Variants in CASZ1 observed in about 807,000 individuals in gnomAD.
CASZ1 encodes zinc finger protein castor homolog 1.
CASZ1 carries 28 observed loss-of-function variants against 135.2 expected under a neutral mutation model. The observed-to-expected ratio is 0.21, with a 90% CI of 0.15 to 0.28. The LOEUF (loss-of-function observed/expected upper bound fraction) is 0.28. Among genes scored for constraint, CASZ1 ranks in the 10% least tolerant of loss-of-function variants. The probability of loss-of-function intolerance (pLI) is 1.00; values close to 1 mark genes in which losing one functional copy is unlikely to be tolerated. For missense variants in CASZ1, 2,161 were observed against 2,453.3 expected, an observed-to-expected ratio of 0.88 and a Z score of 2.52; for synonymous variants, 1,068 against 1,073.4, an observed-to-expected ratio of 0.99 and a Z score of 0.10.
intron 2 of CASZ1, among the ~76,000 whole-genome samples, chr1:10,729,561 G>A (rs1639665516): frequency 1.3e-5 from 2 of 152,238 alleles, no homozygotes; most frequent in South Asian, 2.1e-4. Context: ...GCCCTGGGGG[G>A]CTTAGGGGAG....
chr1:10,709,557 T>C lies in CASZ1; in HGVS notation c.-76-4013A>G, dbSNP rs1349969283. Among the ~76,000 whole-genome samples, 1 of 151,916 alleles carries C rather than the reference T, an allele frequency of 6.6e-6. No homozygotes were observed. Among genetic ancestry groups the C allele is most frequent in the Non-Finnish European group, 1.5e-5 (1 of 67,974 alleles). ...ACCTATTTTCTGCCTCAAATTTGAT[T>C]GATTAAAAAACTTTTTAGGAAAAGC... On this transcript the variant is annotated intron_variant, in intron 2 of 20. Transcript: ENST00000377022. This position sits in a 1 kb window ranked among gnomAD's most constrained non-coding sequence, Gnocchi z 5.1.
Position 10,646,154 on chromosome 1 carries a change from A to C in CASZ1, c.3670T>G (p.Ser1224Ala). 1 of 1,613,990 alleles carries C rather than the reference A, an allele frequency of 6.2e-7. No homozygotes were observed. Among genetic ancestry groups the C allele is most frequent in the East Asian group, 2.2e-5 (1 of 44,872 alleles). ...VNVRDQFAYY[S>A]LQCLCPNQHC... Reference sequence around the variant, plus strand: ...TGGTTGGGACAGAGACACTGCAGAGAGTAGTATGCAAACTGGTCTCGCACG... The same window carrying C: ...TGGTTGGGACAGAGACACTGCAGAGCGTAGTATGCAAACTGGTCTCGCACG... The change falls in exon 17 of 21, where the codon TCT (serine) becomes GCT (alanine). Residue 1224 changes from serine to alanine, a missense_variant. Transcript: ENST00000377022. The surrounding 1 kb of genome is among the most constrained non-coding windows in gnomAD (Gnocchi z 6.4).
chr1:10,662,930 C>T lies in CASZ1; in HGVS notation c.505+2153G>A, dbSNP rs116498935. Among the ~76,000 whole-genome samples the T allele has an allele frequency of 5.9e-3, 905 of 152,340 alleles. 7 individuals carry two copies. Among genetic ancestry groups the T allele is most frequent in the African/African-American group, 0.02 (840 of 41,570 alleles). On this transcript the variant is annotated intron_variant, in intron 5 of 20. Transcript: ENST00000377022. The stretch of plus-strand genomic sequence containing the variant: ...GCTGTTCTTGCGGACCCACCTCTTC[C>T]GCACATGCCCCACCCCATGGCCGAG...
At position 10,719,170 on chromosome 1, in the gene CASZ1, C is replaced by T. The variant is rs865919708; in HGVS notation, c.-76-13626G>A. ...TGACCTCAAGCAATCTGCCCGCTTC[C>T]GGCTCCCTAAGTGCTGGGATTACAG... On this transcript the variant is annotated intron_variant, in intron 2 of 20. Transcript: ENST00000377022. This position sits in a 1 kb window ranked among gnomAD's most constrained non-coding sequence, Gnocchi z 4.0. Among the ~76,000 whole-genome samples, 17 of 152,264 alleles carry T rather than the reference C, an allele frequency of 1.1e-4. No individual in the cohort carries two copies. The South Asian group carries it at 2.9e-3, about 26-fold the overall frequency.
At chr1:10,729,703 C>T (rs1458607369) in intron 2 of CASZ1, among the ~76,000 whole-genome samples, 3 of 152,246 alleles carry the variant, frequency 2.0e-5, no homozygotes, top group South Asian at 2.1e-4. Flanking sequence ...GCAAAGGCAG[C>T]GGGTGAGCGG....
At chr1:10,683,950 G>A (rs901380533) in intron 4 of CASZ1, among the ~76,000 whole-genome samples, 1 of 152,236 alleles carries the variant, frequency 6.6e-6, no homozygotes, top group South Asian at 2.1e-4. Flanking sequence ...CTGGAGGCCT[G>A]TGTGTCCTCA....
Position 10,645,008 on chromosome 1 carries a change from G to A in CASZ1, c.3777C>T (p.Leu1259=), listed in dbSNP as rs1557458444. Residue 1259 remains leucine, a synonymous_variant, in exon 18 of 21, where the codon CTC becomes CTT. Transcript: ENST00000377022. Reference sequence around the variant, plus strand: ...TCTCATGCTTCTTGATGTGCCAGGGGAGCTTGGTGGTGATGTTGGTCACAA... The same window carrying A: ...TCTCATGCTTCTTGATGTGCCAGGGAAGCTTGGTGGTGATGTTGGTCACAA... ...CYFVTNITTK[L]PWHIKKHEKA... 1.2e-6 allele frequency: 2 copies of A among 1,613,982 alleles called. No individual in the cohort carries two copies. Among genetic ancestry groups the A allele is most frequent in the African/African-American group, 1.3e-5 (1 of 74,954 alleles).
At chr1:10,686,060 A>T (rs936442781) in intron 4 of CASZ1, among the ~76,000 whole-genome samples, 3 of 152,156 alleles carry the variant, frequency 2.0e-5, no homozygotes, top group Non-Finnish European at 4.4e-5. Flanking sequence ...GGAAGAGGCT[A>T]CTGGGGCCAA....
chr1:10,654,288 G>A, intron 10 of CASZ1, 70 bp from the exon 11 acceptor site: 1 of 1,587,200 alleles, frequency 6.3e-7, no homozygotes, highest in Non-Finnish European at 8.6e-7. Context: ...ATGGCCCTGG[G>A]AGGGACAGTC....
chr1:10,752,870 T>G (rs1640175121), intron 2 of CASZ1, among the ~76,000 whole-genome samples: 1 of 152,080 alleles, frequency 6.6e-6, no homozygotes, highest in Admixed American at 6.5e-5. Context: ...ACCCCGACTC[T>G]ACCAAAAATA....
chr1:10,756,320 G>A lies in CASZ1; in HGVS notation c.-77+4381C>T, dbSNP rs76673714. Reference sequence around the variant, plus strand: ...CGATGCACCCCCCACCCTCGCCCCCGCAAGACATCACCGGCCCTCCCTTCC... The same window carrying A: ...CGATGCACCCCCCACCCTCGCCCCCACAAGACATCACCGGCCCTCCCTTCC... On this transcript the variant is annotated intron_variant, in intron 2 of 20. Coordinates refer to ENST00000377022, the MANE Select transcript of CASZ1 (RefSeq NM_001079843.3). The surrounding 1 kb of genome is among the most constrained non-coding windows in gnomAD (Gnocchi z 5.9). Among the ~76,000 whole-genome samples, 3,908 of 149,362 alleles carry A rather than the reference G, an allele frequency of 0.026. 77 individuals are homozygous for A. Among genetic ancestry groups the A allele is most frequent in the Non-Finnish European group, 0.039 (2,624 of 67,330 alleles).
chr1:10,655,579 G>C (rs890928404), intron 9 of CASZ1, 70 bp downstream of exon 9: 3 of 1,435,936 alleles, frequency 2.1e-6, no homozygotes, highest in Non-Finnish European at 2.8e-6. Context: ...CTCTGGGAGT[G>C]GGGGGCTCAG....
rs977378607 is a variant in CASZ1, at chr1:10,676,249, C to G, written c.17-10678G>C. Reference sequence around the variant, plus strand: ...GCCCTGCTGGACTGGCCCGGACCCCCGTCCCCCATGCTGCTTCTCATTCCC... The same window carrying G: ...GCCCTGCTGGACTGGCCCGGACCCCGGTCCCCCATGCTGCTTCTCATTCCC... On this transcript the variant is annotated intron_variant, in intron 4 of 20. Transcript: ENST00000377022. The surrounding 1 kb of genome is among the most constrained non-coding windows in gnomAD (Gnocchi z 4.5). Among the ~76,000 whole-genome samples the G allele has an allele frequency of 6.6e-6, 1 of 152,162 alleles. No homozygotes were observed. The highest frequency in any genetic ancestry group is 1.5e-5 in the Non-Finnish European group (1 of 68,004).
intron 3 of CASZ1, chr1:10,704,545 C>T (rs1639129839): frequency 1.3e-5 from 2 of 152,136 alleles, no homozygotes; most frequent in Admixed American, 6.5e-5. Flanking sequence ...CGGGGAATCT[C>T]CTCCCTTCTC....
In CASZ1 at chr1:10,722,086, A is replaced by T. The variant is rs961516417; in HGVS notation, c.-76-16542T>A. Among the ~76,000 whole-genome samples the T allele has an allele frequency of 2.6e-5, 4 of 152,334 alleles. No homozygotes were observed. In the East Asian group the frequency reaches 7.7e-4, roughly 29 times the overall value. ...AGGCATCCGCTGTGTCTGGGCAGAC[A>T]CCTGCGTCTTGGCCCCGCCCCTTCG... is the stretch of plus-strand genomic sequence containing the variant. On this transcript the variant is annotated intron_variant, in intron 2 of 20. Coordinates refer to ENST00000377022, the MANE Select transcript of CASZ1 (RefSeq NM_001079843.3).
rs773254970 is a variant in CASZ1, at chr1:10,659,950, G to A, written c.1092C>T (p.Ala364=). 3 of 1,612,900 alleles carry A rather than the reference G, an allele frequency of 1.9e-6. No homozygotes were observed. In the Admixed American group the frequency reaches 5.0e-5, roughly 27 times the overall value. Residue 364 remains alanine, a synonymous_variant, in exon 6 of 21, where the codon GCC becomes GCT. Coordinates refer to ENST00000377022, the MANE Select transcript of CASZ1 (RefSeq NM_001079843.3). ...GGCGCCCCACCTTGCCTGTCTTGAA[G>A]GCGATGGCCCCGCCCATGTCGGGGC... The part of the protein sequence containing the change: ...EGSPDMGGAI[A]FKTGKVGRPS...
intron 1 of CASZ1, among the ~76,000 whole-genome samples, chr1:10,771,937 C>G (rs1029045058): frequency 5.9e-5 from 9 of 152,198 alleles, no homozygotes; most frequent in African/African-American, 2.2e-4. Context: ...TTAGCTGCTG[C>G]CAAGCCCCTC....
rs565543982 is a variant in CASZ1 at position 10,729,224 on chromosome 1, G to A, written c.-76-23680C>T. Among the ~76,000 whole-genome samples the A allele has an allele frequency of 1.4e-4, 22 of 152,320 alleles. No individual in the cohort carries two copies. The South Asian group carries it at 3.9e-3, about 27-fold the overall frequency. On this transcript the variant is annotated intron_variant, in intron 2 of 20. Coordinates refer to ENST00000377022, the MANE Select transcript of CASZ1 (RefSeq NM_001079843.3). The stretch of plus-strand genomic sequence containing the variant: ...GCCGCTGCAGGGCGGGAGGCCAGAG[G>A]GCCCAAGACAGGCCTGCGCTGGCGC...
intron 1 of CASZ1, among the ~76,000 whole-genome samples, chr1:10,790,440 T>G (rs1640935867): frequency 6.6e-6 from 1 of 152,230 alleles, no homozygotes; most frequent in Non-Finnish European, 1.5e-5. Context: ...CTACCAGGCT[T>G]GTTTGCCTCT....
Sources: allele counts gnomAD v4.1 joint callset (sites outside exome capture counted in the v4.1 genomes callset), GRCh38; gene constraint gnomAD v4.1.1; non-coding constraint Gnocchi (gnomAD v3.1); transcripts MANE v1.5; gene names NCBI Gene and HGNC (gene_info 2026-07-23, HGNC 2026-07-21).